The following RAB18 variants were observed in gnomAD, a reference collection of about 807,000 sequenced individuals.
RAB18 encodes RAB18, member RAS oncogene family, also known as ras-related protein Rab-18.
Under a neutral mutation model 28.5 loss-of-function variants are expected in RAB18, and 10 were observed. That is an observed-to-expected ratio of 0.35 (90% CI 0.22 to 0.60). The LOEUF is 0.60. Ranked by LOEUF, RAB18 falls within the 20% of genes least tolerant of loss-of-function variation. RAB18 has a pLI of 0.78. For missense variants in RAB18, 188 were observed against 244.2 expected (o/e 0.77, Z 1.53); for synonymous variants, 93 against 86.9 (o/e 1.07, Z -0.39).
At chr10:27,505,557 C>CTTAT (rs927257785) in intron 1 of RAB18, among the ~76,000 whole-genome samples, 184 of 152,182 alleles carry the variant, frequency 1.2e-3, no homozygotes, top group African/African-American at 4.0e-3. Flanking sequence ...ATATTATTTA[C>CTTAT]TTATTTATTT....
chr10:27,504,768 C>G (rs1260547101), intron 1 of RAB18: 5 of 572,354 alleles, frequency 8.7e-6, no homozygotes, highest in South Asian at 4.6e-5. Context: ...GGTTTGGGCC[C>G]GAATCCGGCC....
chr10:27,541,742 A>C lies in RAB18; in HGVS notation c.*3691A>C, dbSNP rs767568546. On this transcript the variant is annotated 3_prime_UTR_variant, in exon 7 of 7. Coordinates refer to ENST00000356940, the MANE Select transcript of RAB18 (RefSeq NM_021252.5). ...TTGAGTACTTTTAATATTTTATTGGATATGTTTGTGACTGACTTTAATTTC... is the reference window on the plus strand; with the variant it reads ...TTGAGTACTTTTAATATTTTATTGGCTATGTTTGTGACTGACTTTAATTTC... The C allele has an allele frequency of 4.4e-6, 2 of 450,486 alleles. No individual in the cohort carries two copies. The highest frequency in any genetic ancestry group is 8.8e-6 in the Non-Finnish European group (2 of 226,076). The allele number at this position is 450,486 out of a possible 1,614,324, so 27.9% of individuals were successfully genotyped here.
chr10:27,525,831 C>G (rs1399080344), intron 2 of RAB18, among the ~76,000 whole-genome samples: 1 of 152,106 alleles, frequency 6.6e-6, no homozygotes, highest in African/African-American at 2.4e-5. Context: ...AATATATTTC[C>G]ATATTGGTGA....
rs189266253 is a variant in RAB18 at position 27,538,148 on chromosome 10, C to T, written c.*97C>T. 5.3e-5 allele frequency: 79 copies of T among 1,481,112 alleles called. No individual in the cohort carries two copies. In the African/African-American group the frequency reaches 9.0e-4, roughly 17 times the overall value. The allele number at this position is 1,481,112 out of a possible 1,614,324, so 91.7% of individuals were successfully genotyped here. A position where few individuals can be genotyped will look rare whatever the true frequency, so the allele number is the denominator to read the frequency against. On this transcript the variant is annotated 3_prime_UTR_variant, in exon 7 of 7. Transcript: ENST00000356940. Reference sequence around the variant, plus strand: ...GCTATTTTAGGGACCTTGCAGTTTGCACATAATTGTTTTATATCATAGCAG... The same window carrying T: ...GCTATTTTAGGGACCTTGCAGTTTGTACATAATTGTTTTATATCATAGCAG...
At chr10:27,527,828 A>T (rs1051509708) in intron 3 of RAB18, among the ~76,000 whole-genome samples, 8 of 152,052 alleles carry the variant, frequency 5.3e-5, no homozygotes, top group Non-Finnish European at 1.5e-5. Context: ...TGAATGGCAC[A>T]CTGTTTCTAA....
rs956686246 is a variant in RAB18, at chr10:27,540,315, C to T, written c.*2264C>T. 4.2e-5 allele frequency: 19 copies of T among 453,896 alleles called. No homozygotes were observed. The highest frequency in any genetic ancestry group is 1.3e-5 in the Non-Finnish European group (3 of 226,766). The allele number at this position is 453,896 out of a possible 1,614,324, so 28.1% of individuals were successfully genotyped here. A position where few individuals can be genotyped will look rare whatever the true frequency, so the allele number is the denominator to read the frequency against. The stretch of plus-strand genomic sequence containing the variant: ...AACACAATGTAGGTATGTTAGGTAA[C>T]CCCCAAAGATCACATAGCTACTCAG... On this transcript the variant is annotated 3_prime_UTR_variant, in exon 7 of 7. Transcript: ENST00000356940.
intron 2 of RAB18, among the ~76,000 whole-genome samples, chr10:27,518,191 G>A (rs1834477078): frequency 6.6e-6 from 1 of 152,028 alleles, no homozygotes; most frequent in African/African-American, 2.4e-5. Context: ...TAGTCCTGTT[G>A]TAAACATTCA....
In RAB18 at chr10:27,538,034, T is replaced by C. The variant is rs1376577588; in HGVS notation, c.604T>C (p.Tyr202His). ...CCAAGGAGGAGGAGCCTGTGGTGGT[T>C]ATTGCTCTGTGTTATAAACTCTGGG... is the stretch of plus-strand genomic sequence containing the variant. ...EGQGGGACGG[Y>H]CSVL Residue 202 changes from tyrosine (Y) to histidine (H), a missense_variant, in exon 7 of 7, where the codon TAT (tyrosine) becomes CAT (histidine). Transcript: ENST00000356940. 6.2e-7 allele frequency: 1 copy of C among 1,614,152 alleles called. No individual in the cohort carries two copies. Among genetic ancestry groups the C allele is most frequent in the Admixed American group, 1.7e-5 (1 of 60,024 alleles).
chr10:27,539,112 G>A lies in RAB18; in HGVS notation c.*1061G>A, dbSNP rs1834965952. On this transcript the variant is annotated 3_prime_UTR_variant, in exon 7 of 7. Transcript: ENST00000356940. ...TGACAATTTACTTAACAAGTAACCA[G>A]TAGTTCATCAAAACCAACTTGTACA... The A allele has an allele frequency of 2.5e-6, 1 of 406,316 alleles. No homozygotes were observed. 25.2% of individuals were successfully genotyped at this position (406,316 alleles called of 1,614,324 possible). A position where few individuals can be genotyped will look rare whatever the true frequency, so the allele number is the denominator to read the frequency against.
At chr10:27,537,096 A>G (rs1002850813) in intron 6 of RAB18, among the ~76,000 whole-genome samples, 8 of 152,228 alleles carry the variant, frequency 5.3e-5, no homozygotes, top group Admixed American at 1.3e-4. Context: ...GACTCCAGGA[A>G]CAAAAGAAGG....
chr10:27,505,775 G>T (rs193163148), intron 1 of RAB18, among the ~76,000 whole-genome samples: 1 of 152,210 alleles, frequency 6.6e-6, no homozygotes, highest in African/African-American at 2.4e-5. Context: ...GGCCAGGATG[G>T]TCTCCATCTT....
Position 27,537,930 on chromosome 10 carries a change from A to C in RAB18, c.500A>C (p.Glu167Ala). The change falls in exon 7 of 7, where the codon GAA (glutamate) becomes GCA (alanine). Residue 167 changes from glutamate to alanine, a missense_variant. Coordinates refer to ENST00000356940, the MANE Select transcript of RAB18 (RefSeq NM_021252.5). ...CAATGTGCCTTTGAAGAACTTGTTG[A>C]AAAGATCATTCAGACCCCTGGACTG... ...GVQCAFEELVEKIIQTPGLWE... is the reference protein window; with the variant it reads ...GVQCAFEELVAKIIQTPGLWE... 1 of 1,614,108 alleles carries C rather than the reference A, an allele frequency of 6.2e-7. No homozygotes were observed. The highest frequency in any genetic ancestry group is 8.5e-7 in the Non-Finnish European group (1 of 1,179,998).
rs555933024 is a variant in RAB18 at position 27,538,453 on chromosome 10, T to A, written c.*402T>A. ...GAACTCCTAGCACCACGGGGAAGAA[T>A]AGAGGTATCATCAAACGTGGCAAAT... is the stretch of plus-strand genomic sequence containing the variant. On this transcript the variant is annotated 3_prime_UTR_variant, in exon 7 of 7. Coordinates refer to ENST00000356940, the MANE Select transcript of RAB18 (RefSeq NM_021252.5). 12 of 455,294 alleles carry A rather than the reference T, an allele frequency of 2.6e-5. No individual in the cohort carries two copies. In the Admixed American group the frequency reaches 2.8e-4, roughly 11 times the overall value. 28.2% of individuals were successfully genotyped at this position (455,294 alleles called of 1,614,324 possible).
At chr10:27,536,006 C>G (rs1834888822) in intron 6 of RAB18, among the ~76,000 whole-genome samples, 2 of 149,112 alleles carry the variant, frequency 1.3e-5, no homozygotes, top group South Asian at 4.2e-4. Context: ...TTGCTTGAAC[C>G]TGGGAGGCGG....
rs1417714357 is a variant in RAB18 at position 27,512,082 on chromosome 10, GCCCA to G, written c.124+2153_124+2156del. ...TGGAACTACAGCCATGTACCACCAT[GCCCA>G]GCTCAGGAGGAGCTCATGTTTGTTT... On this transcript the variant is annotated intron_variant, in intron 2 of 6. Coordinates refer to ENST00000356940, the MANE Select transcript of RAB18 (RefSeq NM_021252.5). Among the ~76,000 whole-genome samples, 8 of 151,814 alleles carry G rather than the reference GCCCA, an allele frequency of 5.3e-5. No homozygotes were observed. The South Asian group carries it at 1.5e-3, about 28-fold the overall frequency.
intron 2 of RAB18, among the ~76,000 whole-genome samples, chr10:27,513,453 T>C (rs949924286): frequency 2.0e-5 from 3 of 152,212 alleles, no homozygotes; most frequent in Non-Finnish European, 4.4e-5. Flanking sequence ...TATTGTTACC[T>C]TTTAGTAACT....
chr10:27,530,613 AT>A (rs1267701520), intron 3 of RAB18, among the ~76,000 whole-genome samples: 1 of 151,884 alleles, frequency 6.6e-6, no homozygotes, highest in East Asian at 1.9e-4. Context: ...AAAAATATAC[AT>A]TTTTTATTGA....
Position 27,504,369 on chromosome 10 carries a change from G to T in RAB18, c.-1G>T. On this transcript the variant is annotated 5_prime_UTR_variant, in exon 1 of 7. Coordinates refer to ENST00000356940, the MANE Select transcript of RAB18 (RefSeq NM_021252.5). ...TGGGCTCGGAGCGGAACGGGGTCAG[G>T]ATGGACGAGGACGTGCTAACCACCC... 6.4e-7 allele frequency: 1 copy of T among 1,574,034 alleles called. No individual in the cohort carries two copies. The highest frequency in any genetic ancestry group is 8.6e-7 in the Non-Finnish European group (1 of 1,160,258).
At chr10:27,520,916 CAAAAAAA>C (rs58688075) in intron 2 of RAB18, among the ~76,000 whole-genome samples, 7 of 40,092 alleles carry the variant, frequency 1.7e-4, no homozygotes, top group South Asian at 8.1e-4. Flanking sequence ...GACTCCATCT[CAAAAAAA>C]AAAAAAAAAA....
Sources: gnomAD v4.1 joint callset for allele counts (sites outside exome capture counted in the v4.1 genomes callset) on GRCh38, gnomAD v4.1.1 for gene constraint, MANE v1.5 for transcripts, NCBI Gene and HGNC (gene_info 2026-07-23, HGNC 2026-07-21) for gene names.